Variants in PZP observed in about 807,000 individuals in gnomAD.
PZP encodes the protein pregnancy zone protein.
A neutral mutation model predicts 179.8 loss-of-function variants in PZP; 150 were observed. That is an observed-to-expected ratio of 0.83 (90% confidence interval 0.73 to 0.96). PZP has a LOEUF of 0.96. Ranked by LOEUF, PZP falls within the 40% of genes least tolerant of loss-of-function variation. The probability of loss-of-function intolerance (pLI) is 0.00; values close to 1 mark genes in which losing one functional copy is unlikely to be tolerated. For synonymous variants in PZP, 624 were observed against 652.3 expected (o/e 0.96, Z 0.66); for missense variants, 1,689 against 1,764.0 (o/e 0.96, Z 0.76).
In PZP at chr12:9,194,091, T is replaced by C. The variant is rs746793737; in HGVS notation, c.1240A>G (p.Lys414Glu). 7 of 1,613,510 alleles carry C rather than the reference T, an allele frequency of 4.3e-6. No homozygotes were observed. The highest frequency in any genetic ancestry group is 5.9e-6 in the Non-Finnish European group (7 of 1,179,668). The change falls in exon 11 of 36, where the codon AAA becomes GAA. Residue 414 changes from lysine (K) to glutamate (E), a missense_variant. Lys to Glu is a moderately conservative substitution (Grantham distance 56). This residue lies in a region of PZP where 742 missense variants were observed against 730.5 expected (regional missense o/e 1.02). Transcript: ENST00000261336. ...SINTTSISVN[K>E]LFVRVFTVHP... is the part of the protein sequence containing the mutation. ...TCTATACTTACCCGGACAAAAAGTT[T>C]ATTAACCGAGATACTGGTAGTATTG...
chr12:9,182,472 A>G (rs1204337074), intron 13 of PZP, among the ~76,000 whole-genome samples: 1 of 152,216 alleles, frequency 6.6e-6, no homozygotes, highest in African/African-American at 2.4e-5. Flanking sequence ...GTGATTCTCA[A>G]TTTAAATATA....
intron 11 of PZP, among the ~76,000 whole-genome samples, 179 bp downstream of exon 11, chr12:9,193,898 A>C (rs1227681755): frequency 6.6e-6 from 1 of 152,030 alleles, no homozygotes; most frequent in Non-Finnish European, 1.5e-5. Flanking sequence ...GCACTTCTGC[A>C]GTGCCTTTTC....
chr12:9,187,380 A>G (rs1943193442), intron 13 of PZP, among the ~76,000 whole-genome samples: 1 of 152,208 alleles, frequency 6.6e-6, no homozygotes, highest in Non-Finnish European at 1.5e-5. Flanking sequence ...CAACACATAC[A>G]TTCTTCTCAA....
chr12:9,208,283 G>T lies in PZP; in HGVS notation c.59C>A (p.Ala20Asp). 1 of 1,613,532 alleles carries T rather than the reference G, an allele frequency of 6.2e-7. No individual in the cohort carries two copies. The highest frequency in any genetic ancestry group is 8.5e-7 in the Non-Finnish European group (1 of 1,179,532). ...CGGTTCTGTAGAGTTTGAGTCACTG[G>T]CAGAAAGCAGGATAAGAAGTAGCAC... Reference protein sequence around the residue: ...CLVLLLILLSASDSNSTEPQY... With the variant: ...CLVLLLILLSDSDSNSTEPQY... Residue 20 changes from alanine (A) to aspartate (D), a missense_variant, in exon 1 of 36, where the codon GCC becomes GAC. By Grantham distance (126) the Ala-to-Asp change is moderately radical (BLOSUM62 -2). This residue lies in a region of PZP where 742 missense variants were observed against 730.5 expected (regional missense o/e 1.02). Coordinates refer to ENST00000261336, the MANE Select transcript of PZP (RefSeq NM_002864.3).
intron 15 of PZP, among the ~76,000 whole-genome samples, chr12:9,171,594 T>C (rs1479237742): frequency 1.3e-5 from 2 of 152,078 alleles, no homozygotes; most frequent in Admixed American, 1.3e-4. Flanking sequence ...AGAATCATGA[T>C]AAAACAATAC....
downstream of PZP, among the ~76,000 whole-genome samples, chr12:9,146,268 A>G (rs1940002977): frequency 6.6e-6 from 1 of 151,614 alleles, no homozygotes; most frequent in African/African-American, 2.4e-5. Flanking sequence ...CTGGTGTTCA[A>G]ATTAACTGAT....
chr12:9,164,344 C>T, intron 19 of PZP, 85 bp from the exon 20 acceptor site: 1 of 1,424,032 alleles, frequency 7.0e-7, no homozygotes, highest in Non-Finnish European at 9.6e-7. Flanking sequence ...GTGTGAGATG[C>T]TGCAGTAAAT....
At chr12:9,188,783 A>G (rs761406943) in intron 13 of PZP, among the ~76,000 whole-genome samples, 1 of 152,370 alleles carries the variant, frequency 6.6e-6, no homozygotes, top group Non-Finnish European at 1.5e-5. Context: ...CACAATTGTC[A>G]CAGAAAGAAT....
chr12:9,179,409 AAAAT>A (rs2120938603), intron 15 of PZP, among the ~76,000 whole-genome samples: 1 of 152,318 alleles, frequency 6.6e-6, no homozygotes, highest in East Asian at 1.9e-4. Context: ...TAATAATAAT[AAAAT>A]AAATAAATCA....
chr12:9,175,497 A>G (rs757744032), intron 15 of PZP, among the ~76,000 whole-genome samples: 2 of 152,330 alleles, frequency 1.3e-5, no homozygotes, highest in East Asian at 3.9e-4. Flanking sequence ...CTGCACAGCA[A>G]AAGGAACTAT....
chr12:9,187,568 C>T (rs1173428162), intron 13 of PZP, among the ~76,000 whole-genome samples: 18 of 152,158 alleles, frequency 1.2e-4, no homozygotes, highest in Non-Finnish European at 2.4e-4. Context: ...AAACAACCTG[C>T]TCCTGCATGA....
chr12:9,184,032 G>A (rs1407045447), intron 13 of PZP, among the ~76,000 whole-genome samples: 2 of 152,146 alleles, frequency 1.3e-5, no homozygotes. Flanking sequence ...AGGAAAGTGG[G>A]GTAGATTGAA....
At chr12:9,166,029 T>C (rs1231958646) in intron 18 of PZP, 23 bp downstream of exon 18, 2 of 1,583,574 alleles carry the variant, frequency 1.3e-6, no homozygotes, top group African/African-American at 2.7e-5. Flanking sequence ...CTCCAGCAAA[T>C]GGAGGAAAGT....
chr12:9,138,584 T>TA, the PZP span, among the ~76,000 whole-genome samples: 3 of 151,976 alleles, frequency 2.0e-5, no homozygotes, highest in Non-Finnish European at 4.4e-5. Context: ...GGCACTTTTT[T>TA]AAAAAAATGT....
At chr12:9,137,887 A>G in the PZP span, among the ~76,000 whole-genome samples, 6 of 152,026 alleles carry the variant, frequency 3.9e-5, no homozygotes, top group Admixed American at 6.5e-5. Flanking sequence ...ATCTTACTGT[A>G]TTTGTGTATT....
At chr12:9,151,864 T>A (rs1336315429) in intron 32 of PZP, among the ~76,000 whole-genome samples, 192 bp from the exon 33 acceptor site, 3 of 152,244 alleles carry the variant, frequency 2.0e-5, no homozygotes, top group Admixed American at 2.0e-4. Flanking sequence ...TCTTTGATAA[T>A]TTTAGTTCAC....
At chr12:9,183,466 C>T (rs1044343530) in intron 13 of PZP, among the ~76,000 whole-genome samples, 1 of 152,106 alleles carries the variant, frequency 6.6e-6, no homozygotes, top group African/African-American at 2.4e-5. Flanking sequence ...GTGGTGCAAT[C>T]ATAGCTCACT....
intron 15 of PZP, among the ~76,000 whole-genome samples, chr12:9,176,200 C>T (rs768047554): frequency 1.3e-5 from 2 of 152,282 alleles, no homozygotes; most frequent in East Asian, 3.9e-4. Context: ...AGCAAGCTAA[C>T]ACAGGAACAG....
At chr12:9,137,141 A>G in the PZP span, among the ~76,000 whole-genome samples, 1 of 152,040 alleles carries the variant, frequency 6.6e-6, no homozygotes, top group African/African-American at 2.4e-5. Context: ...ATTTTTTCTT[A>G]TATCAGTTTT....
Sources: allele counts gnomAD v4.1 joint callset (sites outside exome capture counted in the v4.1 genomes callset), GRCh38; gene constraint gnomAD v4.1.1; regional missense constraint gnomAD v4.1.1; transcripts MANE v1.5; gene names NCBI Gene and HGNC (gene_info 2026-07-23, HGNC 2026-07-21).